Variants in SNX29 observed in about 807,000 individuals in gnomAD.
SNX29 encodes the protein sorting nexin-29.
SNX29 carries 78 observed loss-of-function variants against 102.1 expected under a neutral mutation model. The ratio of observed to expected loss-of-function variants is 0.76; its 90% confidence interval spans 0.64 to 0.92. The LOEUF is 0.92. Among genes scored for constraint, SNX29 ranks in the 40% least tolerant of loss-of-function variants. SNX29 has a pLI of 0.00. For synonymous variants in SNX29, 580 were observed against 414.5 expected (o/e 1.40, Z -4.85); for missense variants, 1,280 against 1,061.7 (o/e 1.21, Z -2.86).
intron 20 of SNX29, among the ~76,000 whole-genome samples, chr16:12,562,867 G>GC (rs1335653680): frequency 6.6e-6 from 1 of 152,134 alleles, no homozygotes; most frequent in East Asian, 1.9e-4. Flanking sequence ...CCCGGTCTGT[G>GC]CTTTGTCATT....
chr16:12,291,330 G>A (rs115161316), intron 15 of SNX29, among the ~76,000 whole-genome samples: 191 of 152,294 alleles, frequency 1.3e-3, no homozygotes, highest in African/African-American at 4.4e-3. Context: ...ATGGATGGTG[G>A]CAGCAAAGAG....
chr16:12,091,022 A>G (rs1206295229), intron 11 of SNX29, among the ~76,000 whole-genome samples: 3 of 132,166 alleles, frequency 2.3e-5, no homozygotes, highest in Non-Finnish European at 4.8e-5. Flanking sequence ...CTCAAAAAAA[A>G]AAAAAAAAAA....
chr16:11,978,698 G>A (rs1446307582), intron 1 of SNX29, among the ~76,000 whole-genome samples: 2 of 152,120 alleles, frequency 1.3e-5, no homozygotes, highest in East Asian at 1.9e-4. Context: ...GACCCTTTTC[G>A]TTTTACCTTT....
chr16:12,428,948 A>G (rs1339054514), intron 18 of SNX29, among the ~76,000 whole-genome samples: 1 of 152,058 alleles, frequency 6.6e-6, no homozygotes, highest in Non-Finnish European at 1.5e-5. Context: ...AATATCTCCT[A>G]GTTAATTACA....
intron 18 of SNX29, among the ~76,000 whole-genome samples, chr16:12,476,519 C>G (rs773962083): frequency 1.4e-5 from 2 of 143,492 alleles, no homozygotes; most frequent in African/African-American, 2.6e-5. Context: ...GGGTATTTCT[C>G]GTTTGTTGAA....
intron 15 of SNX29, among the ~76,000 whole-genome samples, chr16:12,332,204 CAG>C (rs1238881959): frequency 2.0e-5 from 3 of 152,168 alleles, no homozygotes; most frequent in Non-Finnish European, 4.4e-5. Context: ...TCACCTGACT[CAG>C]AGCCAGGTGT....
At chr16:12,039,202 A>C (rs1315164341) in intron 4 of SNX29, among the ~76,000 whole-genome samples, 1 of 152,272 alleles carries the variant, frequency 6.6e-6, no homozygotes, top group Non-Finnish European at 1.5e-5. Context: ...AAGGGAATTA[A>C]TTATTAAGCA....
chr16:12,497,148 TG>T (rs1390675660), intron 19 of SNX29, among the ~76,000 whole-genome samples: 2 of 152,218 alleles, frequency 1.3e-5, no homozygotes, highest in Non-Finnish European at 2.9e-5. Flanking sequence ...ACAAGGGCTC[TG>T]GGGAGGACAG....
At position 12,013,500 on chromosome 16, in the gene SNX29, A is replaced by AATATATATATATATATAT. The variant is rs66491414; in HGVS notation, c.122+10482_122+10499dup. ...GTCTCTACTGGGGGAAAAAAAAAAA[A>AATATATATATATATATAT]ATATATATATATATATATATATATA... On this transcript the variant is annotated intron_variant, in intron 3 of 20. Coordinates refer to ENST00000566228, the MANE Select transcript of SNX29 (RefSeq NM_032167.5). 1.8e-3 allele frequency among the ~76,000 whole-genome samples: 58 copies of AATATATATATATATATAT among 31,550 alleles called. 2 individuals are homozygous for AATATATATATATATATAT. The highest frequency in any genetic ancestry group is 2.2e-3 in the Non-Finnish European group (36 of 16,224). 20.7% of individuals were successfully genotyped at this position (31,550 alleles called of 152,430 possible).
intron 14 of SNX29, among the ~76,000 whole-genome samples, chr16:12,211,133 A>G (rs2077172546): frequency 6.6e-6 from 1 of 152,194 alleles, no homozygotes; most frequent in Non-Finnish European, 1.5e-5. Flanking sequence ...GTACAAGGTC[A>G]GGGCACCGTT....
chr16:12,223,378 T>A (rs1268677158), intron 14 of SNX29, among the ~76,000 whole-genome samples: 1 of 152,046 alleles, frequency 6.6e-6, no homozygotes, highest in African/African-American at 2.4e-5. Flanking sequence ...ATACAAAAAT[T>A]AGGCTTCGCA....
At chr16:12,235,468 C>T (rs1165193612) in intron 14 of SNX29, among the ~76,000 whole-genome samples, 1 of 152,116 alleles carries the variant, frequency 6.6e-6, no homozygotes, top group Non-Finnish European at 1.5e-5. Flanking sequence ...GCAGTACAGA[C>T]AGATTTTTTT....
At chr16:12,541,111 A>C (rs67619515) in intron 20 of SNX29, among the ~76,000 whole-genome samples, 14,570 of 152,208 alleles carry the variant, frequency 0.096, 1,016 homozygotes, top group South Asian at 0.31. Flanking sequence ...TTGAAAGCTG[A>C]CTTGGAGGGG....
rs145699060 is a variant in SNX29, at chr16:12,144,413, A to G, written c.1595+14655A>G. ...GTTGTCCCTCTAAAACTCATGTTGA[A>G]ACTTAATTACCAAGCAACAGTATAA... On this transcript the variant is annotated intron_variant, in intron 13 of 20. Coordinates refer to ENST00000566228, the MANE Select transcript of SNX29 (RefSeq NM_032167.5). Among the ~76,000 whole-genome samples, 813 of 152,316 alleles carry G rather than the reference A, an allele frequency of 5.3e-3. 9 individuals carry two copies. Among genetic ancestry groups the G allele is most frequent in the African/African-American group, 0.019 (777 of 41,558 alleles).
intron 15 of SNX29, 131 bp from the exon 16 acceptor site, chr16:12,356,032 C>A (rs923801505): frequency 2.7e-6 from 2 of 737,978 alleles, no homozygotes; most frequent in Non-Finnish European, 4.5e-6. Context: ...TAAGCAGTGT[C>A]ATTGACTCCA....
chr16:12,264,967 AT>A (rs1567374112), intron 14 of SNX29, among the ~76,000 whole-genome samples: 1 of 152,082 alleles, frequency 6.6e-6, no homozygotes. Flanking sequence ...TACTAGTTTA[AT>A]TTTTGAACCC....
At chr16:12,344,203 C>G (rs894230518) in intron 15 of SNX29, among the ~76,000 whole-genome samples, 1 of 152,140 alleles carries the variant, frequency 6.6e-6, no homozygotes, top group African/African-American at 2.4e-5. Context: ...TATAAATTAC[C>G]CAGTCTTGGG....
chr16:12,419,866 A>G (rs1008080028), intron 18 of SNX29, among the ~76,000 whole-genome samples: 2 of 152,148 alleles, frequency 1.3e-5, no homozygotes, highest in African/African-American at 4.8e-5. Context: ...TGGGAGAAAG[A>G]TGTTTTCCCC....
intron 14 of SNX29, among the ~76,000 whole-genome samples, chr16:12,221,170 T>C (rs1246498441): frequency 6.6e-6 from 1 of 151,990 alleles, no homozygotes; most frequent in Non-Finnish European, 1.5e-5. Flanking sequence ...TAGTAATCTC[T>C]GGTACTTCTG....
Sources: gnomAD v4.1 joint callset for allele counts (sites outside exome capture counted in the v4.1 genomes callset) on GRCh38, gnomAD v4.1.1 for gene constraint, MANE v1.5 for transcripts, NCBI Gene and HGNC (gene_info 2026-07-23, HGNC 2026-07-21) for gene names.